The following CPEB1 variants were observed in gnomAD, a reference collection of about 807,000 sequenced individuals.
CPEB1 encodes cytoplasmic polyadenylation element binding protein 1.
Under a neutral mutation model 65.8 loss-of-function variants are expected in CPEB1, and 7 were observed. The observed-to-expected ratio is 0.11, with a 90% CI of 0.06 to 0.20. The LOEUF (loss-of-function observed/expected upper bound fraction) is 0.20, where lower values mean the gene tolerates loss of function less well. Among genes scored for constraint, CPEB1 ranks in the 10% least tolerant of loss-of-function variants. The pLI is 1.00. For missense variants in CPEB1, 551 were observed against 712.2 expected, an observed-to-expected ratio of 0.77 and a Z score of 2.58; for synonymous variants, 262 against 260.0, an observed-to-expected ratio of 1.01 and a Z score of -0.08.
intron 3 of CPEB1, among the ~76,000 whole-genome samples, chr15:82,577,734 G>C (rs1418068303): frequency 6.6e-6 from 1 of 151,976 alleles, no homozygotes; most frequent in Non-Finnish European, 1.5e-5. Context: ...TGTTGCCCAA[G>C]CTGTTCTCAG....
chr15:82,586,829 T>C (rs776529277), intron 3 of CPEB1, among the ~76,000 whole-genome samples: 17 of 152,230 alleles, frequency 1.1e-4, no homozygotes, highest in Non-Finnish European at 2.4e-4. Flanking sequence ...CTAGCCTTTG[T>C]TAACATTTTA....
chr15:82,632,705 T>C (rs980055518), intron 1 of CPEB1, among the ~76,000 whole-genome samples: 21 of 151,584 alleles, frequency 1.4e-4, no homozygotes, highest in Middle Eastern at 3.4e-3. Flanking sequence ...CTTTTTTTTT[T>C]CCCCTCAGAG....
intron 4 of CPEB1, among the ~76,000 whole-genome samples, chr15:82,563,434 G>A (rs1337619449): frequency 7.8e-6 from 1 of 128,510 alleles, no homozygotes; most frequent in Non-Finnish European, 1.6e-5. Flanking sequence ...CACAATTACA[G>A]CTCACTGCAG....
At chr15:82,548,821 C>T (rs927304175) in intron 10 of CPEB1, 2 of 387,600 alleles carry the variant, frequency 5.2e-6, no homozygotes, top group Admixed American at 2.8e-5. Context: ...GGTGTGAAGA[C>T]TAAGCATTTG....
chr15:82,616,073 T>A (rs1382787938), intron 3 of CPEB1, among the ~76,000 whole-genome samples: 1 of 152,036 alleles, frequency 6.6e-6, no homozygotes, highest in Non-Finnish European at 1.5e-5. Context: ...ATTATAAATA[T>A]GACACATGGA....
At chr15:82,585,320 A>C (rs783539) in intron 3 of CPEB1, among the ~76,000 whole-genome samples, 82,237 of 151,910 alleles carry the variant, frequency 0.54, 23,226 homozygotes, top group African/African-American at 0.72. Context: ...TGGAAGTAAT[A>C]CAGACTGTGA....
chr15:82,574,095 T>C (rs565908098), intron 3 of CPEB1, among the ~76,000 whole-genome samples: 246 of 151,192 alleles, frequency 1.6e-3, no homozygotes, highest in Non-Finnish European at 2.7e-3. Context: ...ATCCAGGAGC[T>C]TGGAGTTCTA....
chr15:82,555,411 C>A (rs895377080), intron 6 of CPEB1, among the ~76,000 whole-genome samples: 20 of 152,312 alleles, frequency 1.3e-4, no homozygotes, highest in Non-Finnish European at 2.4e-4. Context: ...CCAGTGCATC[C>A]CTGACTATAC....
intron 1 of CPEB1, among the ~76,000 whole-genome samples, chr15:82,645,800 GGAGGCTGCAGTGAGCCAAGATCGC>G (rs1476096769): frequency 6.6e-6 from 1 of 151,972 alleles, no homozygotes; most frequent in African/African-American, 2.4e-5. Flanking sequence ...CCCGGGAGGC[GGAGGCTGCAGTGAGCCAAGATCGC>G]GAGACTGCAT....
chr15:82,625,938 G>T (rs919503842), intron 3 of CPEB1, among the ~76,000 whole-genome samples: 3 of 151,826 alleles, frequency 2.0e-5, no homozygotes, highest in African/African-American at 7.3e-5. Flanking sequence ...GGCCAACATG[G>T]CGAAACCCCA....
chr15:82,617,570 A>C (rs1289864997), intron 3 of CPEB1, among the ~76,000 whole-genome samples: 2 of 152,164 alleles, frequency 1.3e-5, no homozygotes, highest in African/African-American at 2.4e-5. Flanking sequence ...AATAAAATAC[A>C]GACTACAGTA....
chr15:82,638,136 G>GA (rs1210059945), intron 1 of CPEB1: 1 of 290,278 alleles, frequency 3.4e-6, no homozygotes, highest in Non-Finnish European at 7.1e-6. Flanking sequence ...TACATAGTTG[G>GA]AAAAAGGAGT....
chr15:82,578,089 G>C (rs1040063989), intron 3 of CPEB1, among the ~76,000 whole-genome samples: 1 of 151,882 alleles, frequency 6.6e-6, no homozygotes, highest in Non-Finnish European at 1.5e-5. Context: ...GCAGTGAGCC[G>C]AGATCGTGCC....
intron 1 of CPEB1, among the ~76,000 whole-genome samples, chr15:82,645,002 C>G (rs1285597669): frequency 6.6e-6 from 1 of 152,178 alleles, no homozygotes; most frequent in Non-Finnish European, 1.5e-5. Context: ...ATGGCCTAAC[C>G]CAAACTGCAA....
chr15:82,610,981 A>AG (rs1555459237), intron 3 of CPEB1, among the ~76,000 whole-genome samples: 1 of 135,130 alleles, frequency 7.4e-6, no homozygotes, highest in Non-Finnish European at 1.5e-5. Flanking sequence ...AAAAAAAAAA[A>AG]AAAAAAAGAA....
chr15:82,631,522 T>C (rs572949617), intron 1 of CPEB1, among the ~76,000 whole-genome samples: 7 of 152,312 alleles, frequency 4.6e-5, no homozygotes, highest in African/African-American at 1.7e-4. Flanking sequence ...CATAAGGCTT[T>C]TTGTGAATTA....
At chr15:82,549,710 A>T (rs2035909658) in intron 9 of CPEB1, 52 bp from the exon 10 acceptor site, 1 of 1,562,216 alleles carries the variant, frequency 6.4e-7, no homozygotes, top group Admixed American at 1.7e-5. Flanking sequence ...ACAGAGAGAG[A>T]GGTGCTTGCA....
intron 3 of CPEB1, among the ~76,000 whole-genome samples, chr15:82,586,958 CTT>C (rs1282632622): frequency 1.3e-5 from 2 of 152,180 alleles, no homozygotes; most frequent in African/African-American, 4.8e-5. Context: ...CTACATACAA[CTT>C]TGCAACAGAG....
chr15:82,547,421 C>G (rs1025337714), intron 10 of CPEB1, among the ~76,000 whole-genome samples, 184 bp from the exon 11 acceptor site: 1 of 151,430 alleles, frequency 6.6e-6, no homozygotes, highest in African/African-American at 2.4e-5. Context: ...CTCAGCCTCC[C>G]GAGTAGCTGG....
Sources: allele counts gnomAD v4.1 joint callset (sites outside exome capture counted in the v4.1 genomes callset), GRCh38; gene constraint gnomAD v4.1.1; transcripts MANE v1.5; gene names NCBI Gene and HGNC (gene_info 2026-07-23, HGNC 2026-07-21).